The following GMPPA variants were observed in gnomAD, a reference collection of about 807,000 sequenced individuals.
GMPPA encodes the protein GDP-mannose pyrophosphorylase A.
GMPPA carries 46 observed loss-of-function variants against 58.6 expected under a neutral mutation model. The ratio of observed to expected loss-of-function variants is 0.78; its 90% confidence interval spans 0.62 to 1.00. The LOEUF is 1.00. Ranked by LOEUF, GMPPA falls within the 50% of genes least tolerant of loss-of-function variation. The pLI, the probability that GMPPA is intolerant of heterozygous loss-of-function variation, is 0.00. For missense variants in GMPPA, 468 were observed against 556.4 expected, an observed-to-expected ratio of 0.84 and a Z score of 1.60; for synonymous variants, 211 against 214.9, an observed-to-expected ratio of 0.98 and a Z score of 0.16.
At chr2:219,504,942 A>C in intron 7 of GMPPA, 2 of 1,030,088 alleles carry the variant, frequency 1.9e-6, no homozygotes, top group Non-Finnish European at 2.6e-6. Context: ...CTGAATGGGG[A>C]TGAGAATGTG....
At chr2:219,503,291 A>G (rs1256754540) in intron 6 of GMPPA, among the ~76,000 whole-genome samples, 1 of 151,852 alleles carries the variant, frequency 6.6e-6, no homozygotes, top group Non-Finnish European at 1.5e-5. Context: ...TGCCAGGCTA[A>G]TTTTTGTATT....
intron 6 of GMPPA, among the ~76,000 whole-genome samples, chr2:219,503,744 C>G (rs1223150977): frequency 1.3e-5 from 2 of 152,100 alleles, no homozygotes; most frequent in Non-Finnish European, 2.9e-5. Flanking sequence ...ACAGTGTCAA[C>G]TGGGTTTGGA....
In GMPPA at chr2:219,501,933, G is replaced by A; in HGVS notation, c.325G>A (p.Ala109Thr). 1 of 1,614,178 alleles carries A rather than the reference G, an allele frequency of 6.2e-7. No individual in the cohort carries two copies. The highest frequency in any genetic ancestry group is 8.5e-7 in the Non-Finnish European group (1 of 1,180,004). Residue 109 changes from alanine (A) to threonine (T), a missense_variant, in exon 5 of 13, where the codon GCA (alanine) becomes ACA (threonine). Ala to Thr is a moderately conservative substitution (Grantham distance 58). Coordinates refer to ENST00000313597, the MANE Select transcript of GMPPA (RefSeq NM_013335.4). The part of the protein sequence containing the change: ...RDQILAGSPE[A>T]FFVLNADVCS... The stretch of plus-strand genomic sequence containing the variant: ...CCAGATCCTGGCTGGGAGCCCCGAG[G>A]CATTCTTCGTGCTCAATGCTGATGT...
Position 219,501,878 on chromosome 2 carries a change from C to T in GMPPA, c.270C>T (p.Gly90=), listed in dbSNP as rs1263539220. Residue 90 remains glycine (G), a synonymous_variant, in exon 5 of 13, where the codon GGC becomes GGT. Coordinates refer to ENST00000313597, the MANE Select transcript of GMPPA (RefSeq NM_013335.4). ...ACCTGCAGGAATTTGCCCCCCTAGG[C>T]ACAGGGGGTGGTCTTTACCATTTTC... ...VRYLQEFAPL[G]TGGGLYHFRD... 1 of 1,614,134 alleles carries T rather than the reference C, an allele frequency of 6.2e-7. No homozygotes were observed. The highest frequency in any genetic ancestry group is 1.1e-5 in the South Asian group (1 of 91,084).
chr2:219,505,683 A>G, intron 9 of GMPPA, 32 bp from the exon 10 acceptor site: 1 of 1,612,316 alleles, frequency 6.2e-7, no homozygotes, highest in Non-Finnish European at 8.5e-7. Flanking sequence ...GGTTTGGGAT[A>G]TTTGCCCCCA....
intron 4 of GMPPA, 69 bp from the exon 5 acceptor site, chr2:219,501,782 C>G (rs768219011): frequency 7.0e-7 from 1 of 1,421,614 alleles, no homozygotes; most frequent in Non-Finnish European, 9.9e-7. Context: ...CGGTGGCGGT[C>G]AGGTGCCCTG....
At position 219,505,733 on chromosome 2, in the gene GMPPA, C is replaced by G; in HGVS notation, c.872C>G (p.Pro291Arg). ...PWIRGNVYIHPTAKVAPSAVL... is the reference protein window; with the variant it reads ...PWIRGNVYIHRTAKVAPSAVL... ...CTTCTAGGGAATGTGTACATCCACCCGACCGCCAAGGTGGCCCCCTCGGCT... is the reference window on the plus strand; with the variant it reads ...CTTCTAGGGAATGTGTACATCCACCGGACCGCCAAGGTGGCCCCCTCGGCT... Residue 291 changes from proline (P) to arginine (R), a missense_variant, in exon 10 of 13, where the codon CCG (proline) becomes CGG (arginine). Coordinates refer to ENST00000313597, the MANE Select transcript of GMPPA (RefSeq NM_013335.4). 6.2e-7 allele frequency: 1 copy of G among 1,610,778 alleles called. No homozygotes were observed. The highest frequency in any genetic ancestry group is 8.5e-7 in the Non-Finnish European group (1 of 1,179,358).
At chr2:219,506,510 G>T in intron 12 of GMPPA, 88 bp downstream of exon 12, 2 of 1,322,152 alleles carry the variant, frequency 1.5e-6, no homozygotes, top group Non-Finnish European at 2.1e-6. Flanking sequence ...GTGTGCACGC[G>T]TGTTTCTTCT....
intron 4 of GMPPA, 104 bp downstream of exon 4, chr2:219,501,683 C>G: frequency 2.1e-6 from 2 of 933,676 alleles, no homozygotes; most frequent in Non-Finnish European, 3.5e-6. Context: ...TCCTCGCCTA[C>G]TAGAAGGATT....
rs1694325720 is a variant in GMPPA at position 219,499,826 on chromosome 2, T to C, written c.-20-130T>C. 5 of 720,972 alleles carry C rather than the reference T, an allele frequency of 6.9e-6. No homozygotes were observed. In the Admixed American group the frequency reaches 1.0e-4, roughly 15 times the overall value. The allele number at this position is 720,972 out of a possible 1,614,324, so 44.7% of individuals were successfully genotyped here. A position where few individuals can be genotyped will look rare whatever the true frequency, so the allele number is the denominator to read the frequency against. On this transcript the variant is annotated intron_variant, in intron 1 of 12. Coordinates refer to ENST00000313597, the MANE Select transcript of GMPPA (RefSeq NM_013335.4). ...TGAGATGTGTGGGATTTGTGAGGTG[T>C]TGGGTCCAGGCAGAGACTATATTGA...
Position 219,505,714 on chromosome 2 carries a change from G to C in GMPPA, c.854-1G>C. ...CCCCAGGGCCTCTCTTCTGCTTCTA[G>C]GGAATGTGTACATCCACCCGACCGC... On this transcript the variant is annotated splice_acceptor_variant, in intron 9 of 12. Coordinates refer to ENST00000313597, the MANE Select transcript of GMPPA (RefSeq NM_013335.4). LOFTEE classifies it high-confidence loss of function. The C allele has an allele frequency of 1.2e-6, 2 of 1,612,606 alleles. No individual in the cohort carries two copies.
At chr2:219,503,593 T>G (rs1694474239) in intron 6 of GMPPA, among the ~76,000 whole-genome samples, 1 of 152,162 alleles carries the variant, frequency 6.6e-6, no homozygotes, top group African/African-American at 2.4e-5. Flanking sequence ...TTGGTTACTG[T>G]GAGTCTAATA....
At chr2:219,504,902 G>C in intron 7 of GMPPA, 2 of 1,153,578 alleles carry the variant, frequency 1.7e-6, no homozygotes, top group Admixed American at 8.1e-5. Context: ...CATCCAATGA[G>C]GGGGAGGGTA....
chr2:219,503,499 T>C (rs1280558491), intron 6 of GMPPA, among the ~76,000 whole-genome samples: 3 of 152,124 alleles, frequency 2.0e-5, no homozygotes, highest in African/African-American at 7.2e-5. Context: ...CACATGCATG[T>C]ACACACCTAC....
At chr2:219,503,947 CG>C in intron 6 of GMPPA, 135 bp from the exon 7 acceptor site, 1 of 857,806 alleles carries the variant, frequency 1.2e-6, no homozygotes, top group Non-Finnish European at 1.9e-6. Flanking sequence ...CAGTAGGATG[CG>C]GATGCGCACT....
chr2:219,505,679 G>C (rs1452513327), intron 9 of GMPPA, 36 bp from the exon 10 acceptor site: 2 of 1,611,556 alleles, frequency 1.2e-6, no homozygotes, highest in Admixed American at 1.7e-5. Flanking sequence ...ATTCGGTTTG[G>C]GATATTTGCC....
chr2:219,500,356 C>T (rs1177509744), intron 3 of GMPPA, 138 bp downstream of exon 3: 2 of 661,844 alleles, frequency 3.0e-6, no homozygotes, highest in Admixed American at 2.2e-5. Flanking sequence ...GAATGGCGCC[C>T]CCTCAAGTTA....
In GMPPA at chr2:219,502,256, C is replaced by T. The variant is rs1319125965; in HGVS notation, c.430-126C>T. ...GGGGAGGGCAGCTGTCAGTTTCCAC[C>T]CTTGCTGAAGGCCTGTCAGTGGCAG... On this transcript the variant is annotated intron_variant, in intron 5 of 12. Coordinates refer to ENST00000313597, the MANE Select transcript of GMPPA (RefSeq NM_013335.4). The surrounding 1 kb of genome is among the most constrained non-coding windows in gnomAD (Gnocchi z 4.0). 1.1e-6 allele frequency: 1 copy of T among 940,898 alleles called. No individual in the cohort carries two copies. Among genetic ancestry groups the T allele is most frequent in the Admixed American group, 2.0e-5 (1 of 50,512 alleles). 58.3% of individuals were successfully genotyped at this position (940,898 alleles called of 1,614,324 possible). A position where few individuals can be genotyped will look rare whatever the true frequency, so the allele number is the denominator to read the frequency against.
At chr2:219,505,916 G>C in intron 10 of GMPPA, 64 bp from the exon 11 acceptor site, 1 of 1,227,728 alleles carries the variant, frequency 8.1e-7, no homozygotes, top group Non-Finnish European at 1.1e-6. Context: ...TGTTCTAGAA[G>C]GGAGTTGGGT....
Sources: allele counts gnomAD v4.1 joint callset (sites outside exome capture counted in the v4.1 genomes callset), GRCh38; gene constraint gnomAD v4.1.1; non-coding constraint Gnocchi (gnomAD v3.1); transcripts MANE v1.5; gene names NCBI Gene and HGNC (gene_info 2026-07-23, HGNC 2026-07-21).